Variants in SLC4A10 observed in about 807,000 individuals in gnomAD.
SLC4A10 encodes the protein sodium-driven chloride bicarbonate exchanger.
A neutral mutation model predicts 137.7 loss-of-function variants in SLC4A10; 42 were observed. The observed-to-expected ratio is 0.30, with a 90% CI of 0.24 to 0.39. The LOEUF (loss-of-function observed/expected upper bound fraction) is 0.39. Ranked by LOEUF, SLC4A10 falls within the 10% of genes least tolerant of loss-of-function variation. The probability of loss-of-function intolerance (pLI) is 1.00; values close to 1 mark genes in which losing one functional copy is unlikely to be tolerated. For missense variants in SLC4A10, 925 were observed against 1,355.0 expected (o/e 0.68, Z 4.98); for synonymous variants, 474 against 464.1 (o/e 1.02, Z -0.27).
chr2:161,801,538 C>A (rs2055365176), intron 2 of SLC4A10, among the ~76,000 whole-genome samples: 1 of 152,040 alleles, frequency 6.6e-6, no homozygotes, highest in Non-Finnish European at 1.5e-5. Flanking sequence ...ACAAAGAAAG[C>A]TTTAACCAAA....
At chr2:161,806,600 A>G (rs893832547) in intron 3 of SLC4A10, among the ~76,000 whole-genome samples, 5 of 152,132 alleles carry the variant, frequency 3.3e-5, no homozygotes, top group Non-Finnish European at 2.9e-5. Flanking sequence ...GGGGTAAAAC[A>G]CTGCCAGTCT....
chr2:161,691,490 G>A (rs180910408), intron 1 of SLC4A10, among the ~76,000 whole-genome samples: 5 of 152,080 alleles, frequency 3.3e-5, no homozygotes, highest in African/African-American at 7.2e-5. Context: ...GTAACACATA[G>A]AATAAATGCT....
At chr2:161,825,702 G>A (rs1023434464) in intron 3 of SLC4A10, among the ~76,000 whole-genome samples, 1 of 152,142 alleles carries the variant, frequency 6.6e-6, no homozygotes, top group African/African-American at 2.4e-5. Context: ...ATTGAATGCA[G>A]CAATGTCAGC....
chr2:161,950,470 C>G (rs1694603662), intron 18 of SLC4A10, among the ~76,000 whole-genome samples: 1 of 151,470 alleles, frequency 6.6e-6, no homozygotes, highest in Non-Finnish European at 1.5e-5. Context: ...TTATCTGTGT[C>G]ATCTTTAGAG....
intron 12 of SLC4A10, chr2:161,902,161 C>A (rs1489818273): frequency 6.7e-6 from 3 of 446,338 alleles, no homozygotes; most frequent in African/African-American, 6.1e-5. Context: ...TTGCACTGTT[C>A]TCTGTAATGA....
chr2:161,918,955 G>A (rs1687634965), intron 15 of SLC4A10, among the ~76,000 whole-genome samples: 1 of 152,184 alleles, frequency 6.6e-6, no homozygotes, highest in African/African-American at 2.4e-5. Context: ...TGCAGACCCA[G>A]GCATCCCTGT....
At chr2:161,870,949 A>G (rs1440274081) in intron 6 of SLC4A10, among the ~76,000 whole-genome samples, 1 of 151,848 alleles carries the variant, frequency 6.6e-6, no homozygotes, top group Non-Finnish European at 1.5e-5. Context: ...TAAGCCTATT[A>G]CTTTCTGGCA....
intron 2 of SLC4A10, among the ~76,000 whole-genome samples, chr2:161,775,141 C>G (rs2052158708): frequency 6.6e-6 from 1 of 151,898 alleles, no homozygotes; most frequent in Non-Finnish European, 1.5e-5. Context: ...GTGGCCACAA[C>G]AGAAACTTGT....
chr2:161,960,324 A>T (rs1325909658), intron 21 of SLC4A10, among the ~76,000 whole-genome samples: 1 of 146,092 alleles, frequency 6.8e-6, no homozygotes, highest in Non-Finnish European at 1.5e-5. Flanking sequence ...AAATTGCACC[A>T]CTGCACTCCA....
intron 1 of SLC4A10, among the ~76,000 whole-genome samples, chr2:161,677,308 G>A (rs1360905810): frequency 2.0e-5 from 3 of 152,158 alleles, no homozygotes; most frequent in African/African-American, 7.2e-5. Context: ...CTGGTGCCAC[G>A]CTTCTTGTAC....
At chr2:161,965,519 T>G (rs1338492908) in intron 23 of SLC4A10, among the ~76,000 whole-genome samples, 2 of 152,196 alleles carry the variant, frequency 1.3e-5, no homozygotes, top group African/African-American at 4.8e-5. Context: ...ATGCAGTGAT[T>G]GTTTTTTTGT....
chr2:161,933,645 T>G (rs1691027637), intron 15 of SLC4A10, among the ~76,000 whole-genome samples: 1 of 152,212 alleles, frequency 6.6e-6, no homozygotes, highest in East Asian at 1.9e-4. Context: ...TCCTCCTGCC[T>G]TGGCCTCCCA....
chr2:161,660,554 A>T (rs942577209), intron 1 of SLC4A10, among the ~76,000 whole-genome samples: 1 of 133,334 alleles, frequency 7.5e-6, no homozygotes, highest in Non-Finnish European at 1.6e-5. Flanking sequence ...GTACTCATCT[A>T]TATTTCTTTC....
intron 23 of SLC4A10, among the ~76,000 whole-genome samples, chr2:161,973,728 G>C (rs985184056): frequency 1.3e-5 from 2 of 152,078 alleles, no homozygotes; most frequent in African/African-American, 4.8e-5. Flanking sequence ...CTGGAAACTT[G>C]TTAGAACTGG....
At chr2:161,730,991 G>T (rs1007639922) in intron 1 of SLC4A10, among the ~76,000 whole-genome samples, 1 of 152,126 alleles carries the variant, frequency 6.6e-6, no homozygotes, top group Non-Finnish European at 1.5e-5. Flanking sequence ...GGTGAATCAT[G>T]AAGATGTACA....
intron 1 of SLC4A10, among the ~76,000 whole-genome samples, chr2:161,696,070 C>CA (rs2042464406): frequency 6.6e-6 from 1 of 151,670 alleles, no homozygotes; most frequent in Non-Finnish European, 1.5e-5. Flanking sequence ...CACTTCCCCC[C>CA]ACCCCACGAC....
intron 2 of SLC4A10, among the ~76,000 whole-genome samples, chr2:161,790,404 A>T (rs984100146): frequency 6.6e-6 from 1 of 152,198 alleles, no homozygotes; most frequent in Non-Finnish European, 1.5e-5. Flanking sequence ...TCTTTGAAAA[A>T]GAACCATTTA....
chr2:161,957,037 G>A lies in SLC4A10; in HGVS notation c.2590G>A (p.Gly864Ser), dbSNP rs1334988200. The change falls in exon 20 of 27, where the codon GGT becomes AGT. Residue 864 changes from glycine (G) to serine (S), a missense_variant. By Grantham distance (56) the Gly-to-Ser change is moderately conservative (BLOSUM62 0). Coordinates refer to ENST00000446997, the MANE Select transcript of SLC4A10 (RefSeq NM_001178015.2). Reference protein sequence around the residue: ...LDLLMVAVMLGVCSIMGLPWF... With the variant: ...LDLLMVAVMLSVCSIMGLPWF... The stretch of plus-strand genomic sequence containing the variant: ...CCTATTAATGGTGGCTGTCATGCTC[G>A]GTGTATGCTCCATCATGGGCCTGCC... 5.0e-6 allele frequency: 8 copies of A among 1,608,576 alleles called. No homozygotes were observed. Among genetic ancestry groups the A allele is most frequent in the East Asian group, 2.2e-5 (1 of 44,668 alleles).
At chr2:161,735,545 A>G (rs758696240) in intron 1 of SLC4A10, among the ~76,000 whole-genome samples, 10 of 152,184 alleles carry the variant, frequency 6.6e-5, no homozygotes, top group Non-Finnish European at 1.5e-4. Context: ...TGCCTTCCCC[A>G]GTCATGCTGG....
Sources: allele counts gnomAD v4.1 joint callset (sites outside exome capture counted in the v4.1 genomes callset), GRCh38; gene constraint gnomAD v4.1.1; transcripts MANE v1.5; gene names NCBI Gene and HGNC (gene_info 2026-07-23, HGNC 2026-07-21).